Variants in CCT7 observed in about 807,000 individuals in gnomAD.
CCT7 encodes the protein T-complex protein 1 subunit eta.
A neutral mutation model predicts 56.6 loss-of-function variants in CCT7; 16 were observed. That is an observed-to-expected ratio of 0.28 (90% CI 0.19 to 0.43). CCT7 has a LOEUF of 0.43. Ranked by LOEUF, CCT7 falls within the 20% of genes least tolerant of loss-of-function variation. The pLI is 1.00. For missense variants in CCT7, 519 were observed against 685.6 expected (o/e 0.76, Z 2.71); for synonymous variants, 262 against 254.8 (o/e 1.03, Z -0.27).
At chr2:73,240,608 C>CT (rs772609613) in intron 3 of CCT7, 65 bp downstream of exon 3, 46 of 910,872 alleles carry the variant, frequency 5.1e-5, no homozygotes, top group Admixed American at 1.6e-4. Context: ...CTTAGTTCTC[C>CT]TCTATTAAAT....
intron 11 of CCT7, 30 bp downstream of exon 11, chr2:73,251,462 GTTT>G: frequency 1.9e-6 from 1 of 514,194 alleles, no homozygotes; most frequent in Non-Finnish European, 3.9e-6. Context: ...AGGGTTCAGG[GTTT>G]GGGCGGGTGG....
intron 1 of CCT7, chr2:73,237,418 A>G (rs1322952523): frequency 6.6e-6 from 1 of 152,222 alleles, no homozygotes; most frequent in Non-Finnish European, 1.5e-5. Context: ...GACTCATGTT[A>G]GTTTTTGATT....
At chr2:73,244,468 C>G (rs929275315) in intron 5 of CCT7, 76 bp from the exon 6 acceptor site, 1 of 1,311,002 alleles carries the variant, frequency 7.6e-7, no homozygotes, top group Non-Finnish European at 1.1e-6. Flanking sequence ...AGGGAACTAC[C>G]TCCACACTGT....
At chr2:73,243,806 T>G (rs993745974) in intron 4 of CCT7, 191 bp from the exon 5 acceptor site, 6 of 603,362 alleles carry the variant, frequency 9.9e-6, no homozygotes, top group South Asian at 2.1e-5. Context: ...CATTTCTGAC[T>G]TGGAATTTTC....
At position 73,243,113 on chromosome 2, in the gene CCT7, G is replaced by C; in HGVS notation, c.377G>C (p.Arg126Pro). Reference protein sequence around the residue: ...LHPQIIIRAFRTATQLAVNKI... With the variant: ...LHPQIIIRAFPTATQLAVNKI... ...CCCCAGATCATCATTCGAGCTTTCC[G>C]CACAGCCACCCAGCTGGTATGGCAG... Residue 126 changes from arginine to proline, a missense_variant, in exon 4 of 12, where the codon CGC becomes CCC. Transcript: ENST00000258091. The C allele has an allele frequency of 6.2e-7, 1 of 1,613,934 alleles. No individual in the cohort carries two copies. The highest frequency in any genetic ancestry group is 8.5e-7 in the Non-Finnish European group (1 of 1,179,872).
chr2:73,252,615 C>T (rs1687643609), intron 11 of CCT7, 25 bp from the exon 12 acceptor site: 8 of 1,576,330 alleles, frequency 5.1e-6, no homozygotes, highest in Non-Finnish European at 7.0e-6. Context: ...TCCATATTAC[C>T]TCCTTTCTTT....
intron 1 of CCT7, among the ~76,000 whole-genome samples, chr2:73,238,366 A>G (rs1254252861): frequency 6.6e-6 from 1 of 152,004 alleles, no homozygotes; most frequent in African/African-American, 2.4e-5. Context: ...CTTGCTTACT[A>G]CCCTCCAGCT....
intron 7 of CCT7, among the ~76,000 whole-genome samples, chr2:73,248,711 A>G (rs555420615): frequency 6.6e-6 from 1 of 152,268 alleles, no homozygotes; most frequent in East Asian, 1.9e-4. Context: ...TCTAGACCTC[A>G]GCCAGTTTAA....
Position 73,237,879 on chromosome 2 carries a change from A to G in CCT7, c.7-1764A>G, listed in dbSNP as rs530404510. 3.3e-5 allele frequency among the ~76,000 whole-genome samples: 5 copies of G among 152,202 alleles called. No homozygotes were observed. In the South Asian group the frequency reaches 1.0e-3, roughly 32 times the overall value. ...GGAGTTGGAGACCAGCCTGGGCAAC[A>G]TTTTTTAAATACAAATTTAAAAAAT... On this transcript the variant is annotated intron_variant, in intron 1 of 11. Transcript: ENST00000258091.
intron 6 of CCT7, among the ~76,000 whole-genome samples, chr2:73,246,998 G>A (rs1687368778): frequency 6.6e-6 from 1 of 152,172 alleles, no homozygotes; most frequent in South Asian, 2.1e-4. Context: ...CATTTAGTAA[G>A]GAAAAGATCT....
rs139395789 is a variant in CCT7 at position 73,250,226 on chromosome 2, G to T, written c.1071-80G>T. 1.2e-3 allele frequency: 1,886 copies of T among 1,536,338 alleles called. 4 individuals carry two copies. The highest frequency in any genetic ancestry group is 1.3e-3 in the Non-Finnish European group (1,470 of 1,118,688). On this transcript the variant is annotated intron_variant, in intron 9 of 11. Transcript: ENST00000258091. The stretch of plus-strand genomic sequence containing the variant: ...ATGTAAGAGCAGCTGCTGAGTGTTG[G>T]GGGGGCTGGCAGTGAGGACAATACA...
rs767114267 is a variant in CCT7 at position 73,240,553 on chromosome 2, T to C, written c.267+10T>C. The C allele has an allele frequency of 1.5e-5, 20 of 1,309,686 alleles. No homozygotes were observed. In the East Asian group the frequency reaches 3.0e-4, roughly 20 times the overall value. 81.1% of individuals were successfully genotyped at this position (1,309,686 alleles called of 1,614,324 possible). A position where few individuals can be genotyped will look rare whatever the true frequency, so the allele number is the denominator to read the frequency against. ...ATCCCAAGATGCTGAGGTAGGAAAA[T>C]AGTTGTGTGTTTAAATGGAGGTTGA... On this transcript the variant is annotated intron_variant, in intron 3 of 11. Transcript: ENST00000258091.
intron 3 of CCT7, among the ~76,000 whole-genome samples, chr2:73,241,033 C>CT (rs35842378): frequency 0.48 from 60,477 of 127,308 alleles, 14,607 homozygotes; most frequent in African/African-American, 0.59. Flanking sequence ...CTACACCAGG[C>CT]TTTTTTTTTT....
chr2:73,234,584 C>T (rs886289088), intron 1 of CCT7, among the ~76,000 whole-genome samples, 200 bp downstream of exon 1: 1 of 152,060 alleles, frequency 6.6e-6, no homozygotes, highest in Admixed American at 6.5e-5. Context: ...GCGAGGGCTG[C>T]GTGGGGCTTT....
chr2:73,251,451 CA>C lies in CCT7; in HGVS notation c.1410+20del. On this transcript the variant is annotated intron_variant, in intron 11 of 11. Transcript: ENST00000258091. ...TGCCCAGGTGGGTCCTTTCTCTCCC[CA>C]GGGTTCAGGGTTTGGGCGGGTGGGG... 4 of 1,426,584 alleles carry C rather than the reference CA, an allele frequency of 2.8e-6. No homozygotes were observed. Among genetic ancestry groups the C allele is most frequent in the Non-Finnish European group, 3.9e-6 (4 of 1,034,790 alleles). The allele number at this position is 1,426,584 out of a possible 1,614,324, so 88.4% of individuals were successfully genotyped here.
chr2:73,242,588 C>T (rs1687163519), intron 3 of CCT7, among the ~76,000 whole-genome samples: 1 of 152,204 alleles, frequency 6.6e-6, no homozygotes, highest in Non-Finnish European at 1.5e-5. Flanking sequence ...CCACCTTTTG[C>T]TTCTTAAACA....
chr2:73,244,131 G>A, intron 5 of CCT7, 82 bp downstream of exon 5: 1 of 1,347,960 alleles, frequency 7.4e-7, no homozygotes, highest in Non-Finnish European at 1.0e-6. Context: ...TGAACTACTG[G>A]CTCAAGTGAT....
chr2:73,251,899 GCTGCACT>G (rs1191188571), intron 11 of CCT7, among the ~76,000 whole-genome samples: 1 of 151,388 alleles, frequency 6.6e-6, no homozygotes, highest in Non-Finnish European at 1.5e-5. Flanking sequence ...AGATCGTGCC[GCTGCACT>G]CCAGCCCGGG....
Position 73,243,096 on chromosome 2 carries a change from C to T in CCT7, c.360C>T (p.Ile120=). 3 of 1,614,022 alleles carry T rather than the reference C, an allele frequency of 1.9e-6. No homozygotes were observed. Among genetic ancestry groups the T allele is most frequent in the Non-Finnish European group, 2.5e-6 (3 of 1,179,888 alleles). Residue 120 remains isoleucine, a synonymous_variant, in exon 4 of 12, where the codon ATC becomes ATT. Transcript: ENST00000258091. The part of the protein sequence containing the change: ...PYVEEGLHPQ[I]IIRAFRTATQ... Reference sequence around the variant, plus strand: ...TGGAGGAAGGTTTACACCCCCAGATCATCATTCGAGCTTTCCGCACAGCCA... The same window carrying T: ...TGGAGGAAGGTTTACACCCCCAGATTATCATTCGAGCTTTCCGCACAGCCA...
Sources: allele counts gnomAD v4.1 joint callset (sites outside exome capture counted in the v4.1 genomes callset), GRCh38; gene constraint gnomAD v4.1.1; transcripts MANE v1.5; gene names NCBI Gene and HGNC (gene_info 2026-07-23, HGNC 2026-07-21).